The following LRP1B variants were observed in gnomAD, a reference collection of about 807,000 sequenced individuals.
LRP1B encodes the protein low-density lipoprotein receptor-related protein 1B.
Under a neutral mutation model 556.6 loss-of-function variants are expected in LRP1B, and 217 were observed. That is an observed-to-expected ratio of 0.39 (90% confidence interval 0.35 to 0.44). The LOEUF (loss-of-function observed/expected upper bound fraction) is 0.44, where lower values mean the gene tolerates loss of function less well. Ranked by LOEUF, LRP1B falls within the 20% of genes least tolerant of loss-of-function variation. The pLI, the probability that LRP1B is intolerant of heterozygous loss-of-function variation, is 1.00. For missense variants in LRP1B, 5,053 were observed against 5,620.8 expected (o/e 0.90, Z 3.23); for synonymous variants, 2,047 against 1,865.8 (o/e 1.10, Z -2.50).
intron 41 of LRP1B, among the ~76,000 whole-genome samples, chr2:140,668,309 CAAAAAAAAAAAAAAAAAAAAAAAAAA>C (rs560180473): frequency 1.7e-5 from 1 of 59,648 alleles, no homozygotes; most frequent in African/African-American, 7.4e-5. Context: ...GACTCCGTCT[CAAAAAAAAAAAAAAAAAAAAAAAAAA>C]AAAAAAAAAA....
At chr2:141,619,149 C>T (rs1688413641) in intron 2 of LRP1B, among the ~76,000 whole-genome samples, 1 of 152,164 alleles carries the variant, frequency 6.6e-6, no homozygotes, top group Non-Finnish European at 1.5e-5. Context: ...CCACTCCCCA[C>T]CTCAACCTGC....
At chr2:142,027,336 G>C (rs1402750772) in intron 1 of LRP1B, among the ~76,000 whole-genome samples, 1 of 151,184 alleles carries the variant, frequency 6.6e-6, no homozygotes, top group Non-Finnish European at 1.5e-5. Context: ...TTAGAATTAG[G>C]TTAAGAAGTG....
intron 2 of LRP1B, among the ~76,000 whole-genome samples, chr2:141,779,246 T>G (rs1428277177): frequency 6.6e-6 from 1 of 152,100 alleles, no homozygotes; most frequent in East Asian, 1.9e-4. Context: ...GGTTCTAAAA[T>G]TCCCTGTCTC....
At chr2:141,334,913 G>A (rs191873525) in intron 3 of LRP1B, among the ~76,000 whole-genome samples, 5 of 152,232 alleles carry the variant, frequency 3.3e-5, no homozygotes, top group African/African-American at 9.6e-5. Flanking sequence ...AAGGCTACTT[G>A]TTAAAGAGGT....
chr2:140,683,659 T>A (rs1685942381), intron 41 of LRP1B: 1 of 700,270 alleles, frequency 1.4e-6, no homozygotes, highest in African/African-American at 1.8e-5. Context: ...CCTCCGCATT[T>A]ACAGCAAATC....
intron 66 of LRP1B, among the ~76,000 whole-genome samples, chr2:140,422,387 CA>C (rs1685483263): frequency 6.6e-6 from 1 of 152,168 alleles, no homozygotes; most frequent in Admixed American, 6.5e-5. Context: ...AGTACAAAAG[CA>C]GGCACACAGC....
chr2:141,797,008 A>G (rs1574370231), intron 2 of LRP1B, among the ~76,000 whole-genome samples: 1 of 151,368 alleles, frequency 6.6e-6, no homozygotes, highest in African/African-American at 2.4e-5. Context: ...GTTTTTTCCT[A>G]TTTATGTGAA....
chr2:142,085,394 C>G (rs1416973220), intron 1 of LRP1B, among the ~76,000 whole-genome samples: 1 of 152,176 alleles, frequency 6.6e-6, no homozygotes, highest in Non-Finnish European at 1.5e-5. Flanking sequence ...CTACCGGACT[C>G]TGAACTCATT....
intron 1 of LRP1B, among the ~76,000 whole-genome samples, chr2:141,959,559 C>G (rs1408189736): frequency 6.6e-6 from 1 of 151,666 alleles, no homozygotes; most frequent in African/African-American, 2.4e-5. Context: ...CCGGCACTCT[C>G]CAAAAGAAAT....
At chr2:141,334,220 T>C (rs1687764015) in intron 3 of LRP1B, among the ~76,000 whole-genome samples, 2 of 152,180 alleles carry the variant, frequency 1.3e-5, no homozygotes, top group South Asian at 2.1e-4. Context: ...GTGTTGGACG[T>C]GGGGCCTGTT....
intron 3 of LRP1B, among the ~76,000 whole-genome samples, chr2:141,316,512 A>G (rs2105461440): frequency 6.6e-6 from 1 of 152,326 alleles, no homozygotes; most frequent in African/African-American, 2.4e-5. Context: ...AAGAAAACAA[A>G]ACAGAAAAGC....
At chr2:141,669,268 T>A (rs1169981921) in intron 2 of LRP1B, among the ~76,000 whole-genome samples, 1 of 152,110 alleles carries the variant, frequency 6.6e-6, no homozygotes, top group Non-Finnish European at 1.5e-5. Context: ...GGGAACACCA[T>A]GTGAAGACAA....
Position 140,770,994 on chromosome 2 carries a change from C to T in LRP1B, c.5513G>A (p.Cys1838Tyr), listed in dbSNP as rs1399388321. ...AGAGCATCCACCATTGTTTAGTTGGCAGGAATTGCTGCCTGCATAGAATGA... is the reference window on the plus strand; with the variant it reads ...AGAGCATCCACCATTGTTTAGTTGGTAGGAATTGCTGCCTGCATAGAATGA... ...DKEAQQGSNS[C>Y]QLNNGGCSQL... Residue 1838 changes from cysteine (C) to tyrosine (Y), a missense_variant, in exon 34 of 91, where the codon TGC becomes TAC. This residue lies in a region of LRP1B where 3,619 missense variants were observed against 3,931.9 expected (regional missense o/e 0.92). Transcript: ENST00000389484. The T allele has an allele frequency of 1.3e-6, 2 of 1,575,086 alleles. No homozygotes were observed. The highest frequency in any genetic ancestry group is 2.0e-5 in the Admixed American group (1 of 51,022).
At chr2:140,386,238 G>A (rs184186130) in intron 66 of LRP1B, among the ~76,000 whole-genome samples, 41 of 152,242 alleles carry the variant, frequency 2.7e-4, no homozygotes, top group African/African-American at 8.2e-4. Context: ...GTAAGAAACC[G>A]ATTGGACCAT....
At chr2:140,915,414 C>T (rs900816279) in intron 21 of LRP1B, among the ~76,000 whole-genome samples, 19 of 151,674 alleles carry the variant, frequency 1.3e-4, no homozygotes, top group Non-Finnish European at 1.9e-4. Flanking sequence ...TTTGGGAAGC[C>T]GAGGTGGGTG....
intron 83 of LRP1B, among the ~76,000 whole-genome samples, chr2:140,305,695 TAGGAGTGGTGAGAGA>T (rs1427761339): frequency 1.3e-5 from 2 of 152,130 alleles, no homozygotes; most frequent in Non-Finnish European, 2.9e-5. Flanking sequence ...CTATGTTGAA[TAGGAGTGGTGAGAGA>T]GGGCATCCCT....
At chr2:140,876,255 ACTTTG>A (rs1315102730) in intron 25 of LRP1B, among the ~76,000 whole-genome samples, 2 of 152,112 alleles carry the variant, frequency 1.3e-5, no homozygotes, top group Non-Finnish European at 2.9e-5. Context: ...AGTCAGAGAA[ACTTTG>A]CTTTGAGCTA....
chr2:140,340,767 A>C (rs550358773), intron 77 of LRP1B, among the ~76,000 whole-genome samples: 1 of 151,562 alleles, frequency 6.6e-6, no homozygotes, highest in African/African-American at 2.4e-5. Context: ...ACGGTTTGGT[A>C]TATCGAAACC....
At chr2:140,648,784 C>T (rs1293856160) in intron 41 of LRP1B, among the ~76,000 whole-genome samples, 1 of 152,072 alleles carries the variant, frequency 6.6e-6, no homozygotes, top group African/African-American at 2.4e-5. Flanking sequence ...GATGCAAGGT[C>T]CTTAGAGACA....
Sources: allele counts gnomAD v4.1 joint callset (sites outside exome capture counted in the v4.1 genomes callset), GRCh38; gene constraint gnomAD v4.1.1; regional missense constraint gnomAD v4.1.1; transcripts MANE v1.5; gene names NCBI Gene and HGNC (gene_info 2026-07-23, HGNC 2026-07-21).